Variants in RAPGEF4 observed in about 807,000 individuals in gnomAD.
The protein encoded by RAPGEF4 is RAP guanine-nucleotide-exchange factor (GEF) 4.
Under a neutral mutation model 147.9 loss-of-function variants are expected in RAPGEF4, and 66 were observed. The ratio of observed to expected loss-of-function variants is 0.45; its 90% CI spans 0.37 to 0.55. The LOEUF (loss-of-function observed/expected upper bound fraction) is 0.55, where lower values mean the gene tolerates loss of function less well. RAPGEF4 is among the 20% of genes least tolerant of loss of function. RAPGEF4 has a pLI of 0.00. For synonymous variants in RAPGEF4, 419 were observed against 442.7 expected, an observed-to-expected ratio of 0.95 and a Z score of 0.67; for missense variants, 1,071 against 1,257.3, an observed-to-expected ratio of 0.85 and a Z score of 2.24.
At chr2:172,955,961 CT>C (rs540421457) in intron 6 of RAPGEF4, among the ~76,000 whole-genome samples, 2 of 152,350 alleles carry the variant, frequency 1.3e-5, no homozygotes, top group South Asian at 4.1e-4. Flanking sequence ...CTTTCTTTGA[CT>C]CTCACGGATA....
At chr2:172,821,024 A>C (rs1689012166) in intron 4 of RAPGEF4, among the ~76,000 whole-genome samples, 1 of 152,212 alleles carries the variant, frequency 6.6e-6, no homozygotes, top group African/African-American at 2.4e-5. Flanking sequence ...CTGTTAGAAT[A>C]ATATACCTTC....
At chr2:172,877,908 A>T (rs1038782119) in intron 4 of RAPGEF4, among the ~76,000 whole-genome samples, 1 of 152,224 alleles carries the variant, frequency 6.6e-6, no homozygotes, top group Non-Finnish European at 1.5e-5. Context: ...CTGCAATATG[A>T]ATAGATCCTC....
At chr2:172,902,162 T>C (rs1281718798) in intron 4 of RAPGEF4, among the ~76,000 whole-genome samples, 3 of 151,688 alleles carry the variant, frequency 2.0e-5, no homozygotes, top group South Asian at 2.1e-4. Context: ...TGGAAAGGAA[T>C]GAATAGGGGA....
At chr2:173,024,372 T>C (rs1335384536) in intron 23 of RAPGEF4, among the ~76,000 whole-genome samples, 2 of 149,084 alleles carry the variant, frequency 1.3e-5, no homozygotes, top group Non-Finnish European at 3.0e-5. Flanking sequence ...CGCCCGCCAC[T>C]ACGCCCGGCT....
At chr2:172,908,527 T>C (rs992984817) in intron 4 of RAPGEF4, among the ~76,000 whole-genome samples, 3 of 152,256 alleles carry the variant, frequency 2.0e-5, no homozygotes, top group Non-Finnish European at 2.9e-5. Context: ...TAACACTTCG[T>C]AGACAAATCC....
intron 4 of RAPGEF4, among the ~76,000 whole-genome samples, chr2:172,875,927 G>C (rs1011488515): frequency 2.6e-5 from 4 of 152,154 alleles, no homozygotes; most frequent in Non-Finnish European, 5.9e-5. Context: ...TCCTTGAGCA[G>C]TGGTTTGTAG....
chr2:173,021,460 C>T (rs1388256192), intron 23 of RAPGEF4, among the ~76,000 whole-genome samples: 1 of 152,210 alleles, frequency 6.6e-6, no homozygotes, highest in South Asian at 2.1e-4. Context: ...TGGTGGCGGG[C>T]GCCTGTAGTC....
chr2:172,823,058 A>G (rs752751017), intron 4 of RAPGEF4, among the ~76,000 whole-genome samples: 15 of 152,214 alleles, frequency 9.9e-5, no homozygotes, highest in Non-Finnish European at 2.2e-4. Flanking sequence ...AAAATACTCT[A>G]AGAAAGATCC....
At chr2:173,029,198 A>G (rs1696945292) in intron 25 of RAPGEF4, among the ~76,000 whole-genome samples, 1 of 152,248 alleles carries the variant, frequency 6.6e-6, no homozygotes, top group African/African-American at 2.4e-5. Flanking sequence ...CCATCTCCAC[A>G]CAGACAATTT....
intron 6 of RAPGEF4, among the ~76,000 whole-genome samples, chr2:172,931,251 A>C (rs1411870267): frequency 6.6e-6 from 1 of 150,922 alleles, no homozygotes; most frequent in East Asian, 2.0e-4. Context: ...TCTCAAATAG[A>C]AAACATTCTA....
intron 6 of RAPGEF4, among the ~76,000 whole-genome samples, chr2:172,953,905 C>T (rs1448562017): frequency 1.3e-5 from 2 of 152,134 alleles, no homozygotes; most frequent in African/African-American, 2.4e-5. Flanking sequence ...CTTCAGGAGA[C>T]GACTGGTGGG....
intron 4 of RAPGEF4, among the ~76,000 whole-genome samples, chr2:172,913,077 A>G (rs1459817912): frequency 6.6e-6 from 1 of 151,736 alleles, no homozygotes; most frequent in East Asian, 1.9e-4. Flanking sequence ...TGTATTGTTA[A>G]TAGAGATGGG....
At chr2:172,840,649 G>A (rs1338879054) in intron 4 of RAPGEF4, among the ~76,000 whole-genome samples, 1 of 152,214 alleles carries the variant, frequency 6.6e-6, no homozygotes, top group Non-Finnish European at 1.5e-5. Flanking sequence ...TATTAAGGTA[G>A]TAATTGTTAG....
At chr2:172,955,429 G>A (rs1013852464) in intron 6 of RAPGEF4, among the ~76,000 whole-genome samples, 10 of 152,158 alleles carry the variant, frequency 6.6e-5, no homozygotes, top group Admixed American at 3.9e-4. Context: ...ATTACAGTCA[G>A]TCCTGAGGGA....
chr2:172,967,217 G>A (rs748171628), intron 9 of RAPGEF4, 44 bp from the exon 10 acceptor site: 3 of 1,573,442 alleles, frequency 1.9e-6, no homozygotes, highest in Non-Finnish European at 1.7e-6. Flanking sequence ...GGAGCTGTGA[G>A]GCCGAGGTGC....
At chr2:172,903,849 A>G (rs1488524239) in intron 4 of RAPGEF4, among the ~76,000 whole-genome samples, 1 of 152,240 alleles carries the variant, frequency 6.6e-6, no homozygotes, top group Non-Finnish European at 1.5e-5. Context: ...GTTGAGGGAC[A>G]AAGCCAGAAG....
At chr2:172,806,602 G>C (rs1409651044) in intron 3 of RAPGEF4, among the ~76,000 whole-genome samples, 1 of 152,222 alleles carries the variant, frequency 6.6e-6, no homozygotes, top group Non-Finnish European at 1.5e-5. Context: ...TTTATCACAA[G>C]AGGGCAGTGC....
chr2:172,829,121 T>C (rs1220750251), intron 4 of RAPGEF4, among the ~76,000 whole-genome samples: 2 of 152,318 alleles, frequency 1.3e-5, no homozygotes, highest in South Asian at 2.1e-4. Flanking sequence ...TGAGAGGCCC[T>C]GGAGCAAGAG....
intron 17 of RAPGEF4, among the ~76,000 whole-genome samples, chr2:173,011,940 C>T (rs1023427400): frequency 6.6e-6 from 1 of 151,586 alleles, no homozygotes; most frequent in African/African-American, 2.4e-5. Flanking sequence ...CACTCTATTA[C>T]TACCAGCTCA....
Sources: allele counts gnomAD v4.1 joint callset (sites outside exome capture counted in the v4.1 genomes callset), GRCh38; gene constraint gnomAD v4.1.1; transcripts MANE v1.5; gene names NCBI Gene and HGNC (gene_info 2026-07-23, HGNC 2026-07-21).